Variants in ZNF43 observed in about 807,000 individuals in gnomAD.
ZNF43 encodes the protein zinc finger protein 39-like 1 (KOX 27).
ZNF43 carries 44 observed loss-of-function variants against 68.4 expected under a neutral mutation model. The observed-to-expected ratio is 0.64, with a 90% confidence interval of 0.51 to 0.83. The LOEUF (loss-of-function observed/expected upper bound fraction) is 0.83. Among genes scored for constraint, ZNF43 ranks in the 40% least tolerant of loss-of-function variants. The pLI is 0.00. For missense variants in ZNF43, 896 were observed against 933.2 expected, an observed-to-expected ratio of 0.96 and a Z score of 0.52; for synonymous variants, 308 against 307.8, an observed-to-expected ratio of 1.00 and a Z score of -0.01.
chr19:21,835,887 C>A, intron 1 of ZNF43, 149 bp downstream of exon 1: 1 of 1,385,616 alleles, frequency 7.2e-7, no homozygotes, highest in Non-Finnish European at 1.0e-6. Flanking sequence ...GGCTGCCTCC[C>A]AGAGCAGCCG....
intron 3 of ZNF43, among the ~76,000 whole-genome samples, chr19:21,816,952 C>T (rs980785532): frequency 6.6e-6 from 1 of 152,110 alleles, no homozygotes; most frequent in Non-Finnish European, 1.5e-5. Context: ...GACCCCTCTT[C>T]ACTACAGGCC....
intron 3 of ZNF43, among the ~76,000 whole-genome samples, chr19:21,810,720 G>A (rs530777000): frequency 3.4e-4 from 51 of 152,034 alleles, no homozygotes; most frequent in Non-Finnish European, 4.0e-4. Context: ...AACAAAAGTA[G>A]GAGGATCACT....
chr19:21,839,649 AAAG>A (rs759514478), upstream of ZNF43: 26 of 152,344 alleles, frequency 1.7e-4, no homozygotes, highest in Non-Finnish European at 3.4e-4. Context: ...CCATAGCAGG[AAAG>A]AAGGGTCAAA....
At chr19:21,851,212 C>T (rs1258493607) in intron 1 of ZNF43, 1 of 152,114 alleles carries the variant, frequency 6.6e-6, no homozygotes, top group Non-Finnish European at 1.5e-5. Context: ...TTTTGACAGC[C>T]TCCGAGTGTG....
At position 21,807,675 on chromosome 19, in the gene ZNF43, T is replaced by G. The variant is rs1321575300; in HGVS notation, c.2362A>C (p.Lys788Gln). ...TTHNKIHTGE[K>Q]LYKPEDVTVI... is the part of the protein sequence containing the mutation. Reference sequence around the variant, plus strand: ...GTCACATCTTCAGGTTTGTAGAGTTTCTCTCCAGTATGAATTTTGTTATGT... The same window carrying G: ...GTCACATCTTCAGGTTTGTAGAGTTGCTCTCCAGTATGAATTTTGTTATGT... The change falls in exon 4 of 4, where the codon AAA becomes CAA. Residue 788 changes from lysine (K) to glutamine (Q), a missense_variant. Physicochemically the swap from Lys to Gln is moderately conservative, Grantham distance 53. Transcript: ENST00000354959. The G allele has an allele frequency of 6.2e-7, 1 of 1,604,348 alleles. No individual in the cohort carries two copies. The highest frequency in any genetic ancestry group is 8.5e-7 in the Non-Finnish European group (1 of 1,175,098).
At position 21,808,979 on chromosome 19, in the gene ZNF43, T is replaced by C. The variant is rs1476072311; in HGVS notation, c.1058A>G (p.Gln353Arg). 3 of 1,612,706 alleles carry C rather than the reference T, an allele frequency of 1.9e-6. No homozygotes were observed. Among genetic ancestry groups the C allele is most frequent in the Non-Finnish European group, 2.5e-6 (3 of 1,179,660 alleles). Residue 353 changes from glutamine (Q) to arginine (R), a missense_variant, in exon 4 of 4, where the codon CAG becomes CGG. Physicochemically the swap from Gln to Arg is conservative, Grantham distance 43. Coordinates refer to ENST00000354959, the MANE Select transcript of ZNF43 (RefSeq NM_003423.4). ...CTTATGTGTAGTAAGGTTTGAGAAC[T>C]GGTTAAAGGCTTTGCCACATTCTTC... ...TCEECGKAFN[Q>R]FSNLTTHKRI... is the part of the protein sequence containing the mutation.
intron 1 of ZNF43, among the ~76,000 whole-genome samples, chr19:21,829,192 C>T (rs1202723372): frequency 6.6e-6 from 1 of 151,580 alleles, no homozygotes; most frequent in Non-Finnish European, 1.5e-5. Context: ...CCACTGCACT[C>T]GAGCCTGGGT....
At chr19:21,811,371 C>G (rs1196757759) in intron 3 of ZNF43, among the ~76,000 whole-genome samples, 1 of 151,742 alleles carries the variant, frequency 6.6e-6, no homozygotes, top group Non-Finnish European at 1.5e-5. Context: ...CCTGTCTCTA[C>G]TAAAATACAA....
Position 21,807,532 on chromosome 19 carries a change from C to A in ZNF43, c.*75G>T, listed in dbSNP as rs572832368. On this transcript the variant is annotated 3_prime_UTR_variant, in exon 4 of 4. Coordinates refer to ENST00000354959, the MANE Select transcript of ZNF43 (RefSeq NM_003423.4). Reference sequence around the variant, plus strand: ...TTTACTCCAATGTAAATTATCTTACCTACAATCAAGTGTGACAACCATGTA... The same window carrying A: ...TTTACTCCAATGTAAATTATCTTACATACAATCAAGTGTGACAACCATGTA... 20 of 1,325,410 alleles carry A rather than the reference C, an allele frequency of 1.5e-5. 1 individual carries two copies. The South Asian group carries it at 2.8e-4, about 19-fold the overall frequency. The allele number at this position is 1,325,410 out of a possible 1,614,324, so 82.1% of individuals were successfully genotyped here.
chr19:21,818,672 G>A (rs767360781), intron 2 of ZNF43, among the ~76,000 whole-genome samples: 3 of 151,932 alleles, frequency 2.0e-5, no homozygotes, highest in Non-Finnish European at 4.4e-5. Flanking sequence ...TGCCTGCCTC[G>A]GCCTCCCAGA....
At chr19:21,820,258 T>TATATATATATA (rs1226405905) in intron 1 of ZNF43, among the ~76,000 whole-genome samples, 2 of 144,574 alleles carry the variant, frequency 1.4e-5, no homozygotes, top group African/African-American at 5.2e-5. Flanking sequence ...ATATATTTTA[T>TATATATATATA]ATATATACAC....
intron 3 of ZNF43, among the ~76,000 whole-genome samples, chr19:21,813,755 T>C (rs1329269311): frequency 7.0e-6 from 1 of 142,512 alleles, no homozygotes; most frequent in African/African-American, 2.9e-5. Flanking sequence ...ATTTTTATCA[T>C]GAGTGAAAAG....
At chr19:21,844,921 A>AAAAAAAATAT (rs1310761266) in intron 1 of ZNF43, among the ~76,000 whole-genome samples, 9 of 26,050 alleles carry the variant, frequency 3.5e-4, no homozygotes, top group African/African-American at 8.7e-4. Flanking sequence ...AAAAAAAAAA[A>AAAAAAAATAT]ATATATATAT....
rs779690923 is a variant in ZNF43 at position 21,819,227 on chromosome 19, A to G, written c.4-6T>C. On this transcript the variant is annotated splice_polypyrimidine_tract_variant and splice_region_variant and intron_variant, in intron 1 of 3. Coordinates refer to ENST00000354959, the MANE Select transcript of ZNF43 (RefSeq NM_003423.4). ...TCCATAAATGTCAATGGTCCCTAAA[A>G]AAAACAACACATACACACACAAACA... 6.3e-7 allele frequency: 1 copy of G among 1,587,766 alleles called. No homozygotes were observed. Among genetic ancestry groups the G allele is most frequent in the Non-Finnish European group, 8.5e-7 (1 of 1,171,698 alleles).
chr19:21,830,904 A>G (rs1358716220), intron 1 of ZNF43, among the ~76,000 whole-genome samples: 1 of 152,224 alleles, frequency 6.6e-6, no homozygotes. Flanking sequence ...CTAATCTACT[A>G]TGATCAAGTA....
chr19:21,842,347 T>C (rs1967598864), intron 1 of ZNF43, among the ~76,000 whole-genome samples: 1 of 149,280 alleles, frequency 6.7e-6, no homozygotes. Context: ...AGGCAGAGGT[T>C]GCAGTGAGCT....
At chr19:21,809,879 A>C (rs886640666) in intron 3 of ZNF43, 72 bp from the exon 4 acceptor site, 14 of 1,372,108 alleles carry the variant, frequency 1.0e-5, no homozygotes, top group Non-Finnish European at 1.4e-5. Context: ...TGTAACATAT[A>C]AAATCACACA....
At chr19:21,816,037 G>C (rs1002877843) in intron 3 of ZNF43, among the ~76,000 whole-genome samples, 9 of 151,292 alleles carry the variant, frequency 5.9e-5, no homozygotes, top group African/African-American at 1.7e-4. Context: ...CTCCAGCCTG[G>C]GCAACAGAGC....
intron 1 of ZNF43, chr19:21,826,575 C>G (rs1018184515): frequency 6.6e-6 from 1 of 152,240 alleles, no homozygotes; most frequent in Non-Finnish European, 1.5e-5. Flanking sequence ...TGCAGTGGCT[C>G]ACACCTGTAA....
Sources: gnomAD v4.1 joint callset for allele counts (sites outside exome capture counted in the v4.1 genomes callset) on GRCh38, gnomAD v4.1.1 for gene constraint, MANE v1.5 for transcripts, NCBI Gene and HGNC (gene_info 2026-07-23, HGNC 2026-07-21) for gene names.